The following ASB7 variants were observed in gnomAD, a reference collection of about 807,000 sequenced individuals.
The protein encoded by ASB7 is ankyrin repeat and SOCS box containing 7, also known as ankyrin repeat and SOCS box protein 7.
ASB7 carries 4 observed loss-of-function variants against 32.5 expected under a neutral mutation model. The observed-to-expected ratio is 0.12, with a 90% CI of 0.06 to 0.28. The LOEUF (loss-of-function observed/expected upper bound fraction) is 0.28. Among genes scored for constraint, ASB7 ranks in the 10% least tolerant of loss-of-function variants. ASB7 has a pLI of 1.00. For missense variants in ASB7, 181 were observed against 407.1 expected (o/e 0.44, Z 4.78); for synonymous variants, 172 against 155.6 (o/e 1.11, Z -0.78).
intron 2 of ASB7, among the ~76,000 whole-genome samples, chr15:100,603,790 C>G (rs12442691): frequency 0.094 from 14,381 of 152,200 alleles, 984 homozygotes; most frequent in Non-Finnish European, 0.13. Context: ...TAACTGACAA[C>G]GATTTGGTAG....
rs571701521 is a variant in ASB7 at position 100,631,628 on chromosome 15, A to G, written c.817+1586A>G. Among the ~76,000 whole-genome samples, 6 of 152,230 alleles carry G rather than the reference A, an allele frequency of 3.9e-5. No homozygotes were observed. The South Asian group carries it at 1.2e-3, about 32-fold the overall frequency. Reference sequence around the variant, plus strand: ...CCCCCTTTTTTAAAATACTTTGTTCAGTGGTTAATGGCATAGACTAGAGCT... The same window carrying G: ...CCCCCTTTTTTAAAATACTTTGTTCGGTGGTTAATGGCATAGACTAGAGCT... On this transcript the variant is annotated intron_variant, in intron 5 of 5. Transcript: ENST00000332783.
chr15:100,611,711 C>T (rs2039697924), intron 3 of ASB7, among the ~76,000 whole-genome samples: 2 of 149,386 alleles, frequency 1.3e-5, no homozygotes, highest in South Asian at 4.2e-4. Context: ...AACTCCTGGC[C>T]TCAAGTGATC....
intron 5 of ASB7, among the ~76,000 whole-genome samples, chr15:100,636,883 T>G (rs913628787): frequency 6.6e-6 from 1 of 152,246 alleles, no homozygotes; most frequent in Non-Finnish European, 1.5e-5. Flanking sequence ...GTGATTTGCC[T>G]TTTTCACTGT....
In ASB7 at chr15:100,624,069, TATC is replaced by T. The variant is rs534950946; in HGVS notation, c.212-5365_212-5363del. Among the ~76,000 whole-genome samples the T allele has an allele frequency of 9.2e-5, 14 of 152,220 alleles. No homozygotes were observed. In the South Asian group the frequency reaches 2.1e-3, roughly 23 times the overall value. ...AATAAGTCAAGCACAGAAAGACAAA[TATC>T]ATGTTCTCACTCATGTGGAAGCTAA... On this transcript the variant is annotated intron_variant, in intron 4 of 5. Coordinates refer to ENST00000332783, the MANE Select transcript of ASB7 (RefSeq NM_198243.3).
intron 3 of ASB7, among the ~76,000 whole-genome samples, 191 bp downstream of exon 3, chr15:100,610,019 T>TA (rs2039681314): frequency 6.6e-6 from 1 of 152,214 alleles, no homozygotes; most frequent in Admixed American, 6.5e-5. Context: ...CATAATCACT[T>TA]AATTAAAAAG....
At chr15:100,605,064 A>T (rs1159070159) in intron 2 of ASB7, among the ~76,000 whole-genome samples, 2 of 152,202 alleles carry the variant, frequency 1.3e-5, no homozygotes, top group African/African-American at 4.8e-5. Context: ...GTAAGAGAGG[A>T]TAAGTCTTTA....
chr15:100,637,909 A>G (rs1356283476), intron 5 of ASB7, among the ~76,000 whole-genome samples: 1 of 151,310 alleles, frequency 6.6e-6, no homozygotes, highest in African/African-American at 2.4e-5. Flanking sequence ...GAAAACTGTA[A>G]GAGGTGCTGT....
At chr15:100,640,446 A>G (rs769262664) in intron 5 of ASB7, among the ~76,000 whole-genome samples, 116 of 152,180 alleles carry the variant, frequency 7.6e-4, no homozygotes, top group African/African-American at 1.6e-3. Context: ...TGCCCAGCCT[A>G]TGGTAGGATT....
At chr15:100,623,851 A>G (rs4965688) in intron 4 of ASB7, among the ~76,000 whole-genome samples, 45,402 of 152,126 alleles carry the variant, frequency 0.3, 6,955 homozygotes, top group Middle Eastern at 0.36. Context: ...TGAGTATCCA[A>G]AAGAAAAGAA....
At chr15:100,603,815 T>C (rs1187102729) in intron 2 of ASB7, among the ~76,000 whole-genome samples, 2 of 152,236 alleles carry the variant, frequency 1.3e-5, no homozygotes. Flanking sequence ...AGGTAAATTA[T>C]TGGCCTGAGA....
chr15:100,646,599 A>G (rs988679611), intron 5 of ASB7: 3 of 351,164 alleles, frequency 8.5e-6, no homozygotes, highest in South Asian at 5.2e-5. Flanking sequence ...AGAAGGCAAC[A>G]TCATTGATGG....
chr15:100,602,933 A>T lies in ASB7; in HGVS notation c.-386A>T. On this transcript the variant is annotated 5_prime_UTR_variant, in exon 1 of 6. Coordinates refer to ENST00000332783, the MANE Select transcript of ASB7 (RefSeq NM_198243.3). ...GCCGGGCTGGGGCCGTGAGGCACCG[A>T]GGAGGATCAGGAACACCAGGGTCCG... The T allele has an allele frequency of 2.5e-6, 1 of 398,970 alleles. No individual in the cohort carries two copies. The highest frequency in any genetic ancestry group is 4.4e-6 in the Non-Finnish European group (1 of 226,372). The allele number at this position is 398,970 out of a possible 1,614,324, so 24.7% of individuals were successfully genotyped here. A position where few individuals can be genotyped will look rare whatever the true frequency, so the allele number is the denominator to read the frequency against.
chr15:100,621,107 T>A (rs1335364783), intron 4 of ASB7, among the ~76,000 whole-genome samples: 2 of 152,248 alleles, frequency 1.3e-5, no homozygotes, highest in African/African-American at 2.4e-5. Context: ...GATGGGAATT[T>A]ATGAGAGTAC....
At chr15:100,645,240 C>G (rs1270671235) in intron 5 of ASB7, among the ~76,000 whole-genome samples, 1 of 151,812 alleles carries the variant, frequency 6.6e-6, no homozygotes, top group African/African-American at 2.4e-5. Flanking sequence ...TTTATAAACA[C>G]GAACTTTTGT....
rs149224404 is a variant in ASB7, at chr15:100,633,285, T to C, written c.817+3243T>C. 5.3e-5 allele frequency among the ~76,000 whole-genome samples: 8 copies of C among 149,984 alleles called. No homozygotes were observed. In the East Asian group the frequency reaches 1.4e-3, roughly 26 times the overall value. Reference sequence around the variant, plus strand: ...AGGTGTGACCGATGTCAAGTAGAAATGGTAGTGACGGCTGGGCGCAGTGGC... The same window carrying C: ...AGGTGTGACCGATGTCAAGTAGAAACGGTAGTGACGGCTGGGCGCAGTGGC... On this transcript the variant is annotated intron_variant, in intron 5 of 5. Coordinates refer to ENST00000332783, the MANE Select transcript of ASB7 (RefSeq NM_198243.3).
intron 4 of ASB7, among the ~76,000 whole-genome samples, chr15:100,627,344 A>G (rs1249210780): frequency 6.6e-6 from 1 of 152,238 alleles, no homozygotes; most frequent in African/African-American, 2.4e-5. Flanking sequence ...ATACAGAGTG[A>G]CATGAGTTCA....
intron 3 of ASB7, among the ~76,000 whole-genome samples, chr15:100,611,759 C>T (rs1004337609): frequency 1.3e-5 from 2 of 151,138 alleles, no homozygotes; most frequent in Non-Finnish European, 2.9e-5. Flanking sequence ...AGACTGTAGG[C>T]GTGAGCCACT....
At chr15:100,605,657 C>G (rs138934434) in intron 2 of ASB7, among the ~76,000 whole-genome samples, 2 of 152,326 alleles carry the variant, frequency 1.3e-5, no homozygotes, top group African/African-American at 4.8e-5. Context: ...ACATCATAAT[C>G]CCCTGAATGC....
intron 3 of ASB7, among the ~76,000 whole-genome samples, chr15:100,610,436 A>G (rs1772475164): frequency 6.6e-6 from 1 of 151,640 alleles, no homozygotes; most frequent in Non-Finnish European, 1.5e-5. Context: ...TGGAGGTTGC[A>G]GTGAGCTCAG....
Sources: allele counts gnomAD v4.1 joint callset (sites outside exome capture counted in the v4.1 genomes callset), GRCh38; gene constraint gnomAD v4.1.1; transcripts MANE v1.5; gene names NCBI Gene and HGNC (gene_info 2026-07-23, HGNC 2026-07-21).